RCCD1: variants seen among roughly 807,000 people sequenced by gnomAD.
The protein encoded by RCCD1 is RCC1 domain-containing protein 1.
RCCD1 carries 40 observed loss-of-function variants against 37.6 expected under a neutral mutation model. The observed-to-expected ratio is 1.06, with a 90% CI of 0.83 to 1.39. The LOEUF is 1.39. Ranked by LOEUF, RCCD1 falls within the 40% of genes most tolerant of loss-of-function variation. The probability of loss-of-function intolerance (pLI) is 0.00; values close to 1 mark genes in which losing one functional copy is unlikely to be tolerated. For missense variants in RCCD1, 577 were observed against 517.3 expected, an observed-to-expected ratio of 1.12 and a Z score of -1.12; for synonymous variants, 263 against 230.0, an observed-to-expected ratio of 1.14 and a Z score of -1.30.
intron 1 of RCCD1, among the ~76,000 whole-genome samples, 160 bp from the exon 2 acceptor site, chr15:90,956,452 C>T (rs1454229743): frequency 6.6e-6 from 1 of 152,236 alleles, no homozygotes; most frequent in Non-Finnish European, 1.5e-5. Flanking sequence ...TTGTGGCACG[C>T]TGAGCTTGAG....
chr15:90,955,051 C>T (rs4381579), intron 1 of RCCD1, 103 bp downstream of exon 1: 84,154 of 151,954 alleles, frequency 0.55, 25,460 homozygotes, highest in East Asian at 0.99. Flanking sequence ...AGCTCCAGCC[C>T]CACGGGTTCC....
chr15:90,954,941 G>C lies in RCCD1; in HGVS notation c.-131G>C, dbSNP rs1349206505. 1.3e-5 allele frequency: 2 copies of C among 152,480 alleles called. No individual in the cohort carries two copies. Among genetic ancestry groups the C allele is most frequent in the Non-Finnish European group, 2.9e-5 (2 of 68,226 alleles). 9.4% of individuals were successfully genotyped at this position (152,480 alleles called of 1,614,324 possible). On this transcript the variant is annotated 5_prime_UTR_variant, in exon 1 of 8. Coordinates refer to ENST00000394258, the MANE Select transcript of RCCD1 (RefSeq NM_001017919.2). Reference sequence around the variant, plus strand: ...CGGGTTTTGAGCTGCCGCGGTCCCGGGACTGAGGTGGGTGGCGGGGTCCGC... The same window carrying C: ...CGGGTTTTGAGCTGCCGCGGTCCCGCGACTGAGGTGGGTGGCGGGGTCCGC...
rs1242451880 is a variant in RCCD1 at position 90,956,841 on chromosome 15, G to A, written c.107G>A (p.Arg36Gln). The change falls in exon 2 of 8, where the codon CGG (arginine) becomes CAG (glutamine). Residue 36 changes from arginine to glutamine, a missense_variant. By Grantham distance (43) the Arg-to-Gln change is conservative. Coordinates refer to ENST00000394258, the MANE Select transcript of RCCD1 (RefSeq NM_001017919.2). ...CAGGTGCACAGCCCCAGTCCGCTGC[G>A]GGCGGGCGTCGACATCTGCCGCGTG... ...GRQVHSPSPL[R>Q]AGVDICRVSA... 3.1e-6 allele frequency: 4 copies of A among 1,295,238 alleles called. No individual in the cohort carries two copies. The African/African-American group carries it at 6.1e-5, about 20-fold the overall frequency. The allele number at this position is 1,295,238 out of a possible 1,614,324, so 80.2% of individuals were successfully genotyped here.
chr15:90,960,630 C>G lies in RCCD1; in HGVS notation c.949+132C>G, dbSNP rs988703050. 2.0e-5 allele frequency: 16 copies of G among 814,228 alleles called. No individual in the cohort carries two copies. In the African/African-American group the frequency reaches 2.4e-4, roughly 12 times the overall value. The allele number at this position is 814,228 out of a possible 1,614,324, so 50.4% of individuals were successfully genotyped here. ...GCAGCTACCTTGCTCAGTGGATAAGCCCCAACCCCCTTGTTGTTTCACAGT... is the reference window on the plus strand; with the variant it reads ...GCAGCTACCTTGCTCAGTGGATAAGGCCCAACCCCCTTGTTGTTTCACAGT... On this transcript the variant is annotated intron_variant, in intron 6 of 7. Coordinates refer to ENST00000394258, the MANE Select transcript of RCCD1 (RefSeq NM_001017919.2).
Position 90,957,629 on chromosome 15 carries a change from C to G in RCCD1, c.583C>G (p.Leu195Val). The G allele has an allele frequency of 6.2e-7, 1 of 1,614,150 alleles. No homozygotes were observed. Among genetic ancestry groups the G allele is most frequent in the Non-Finnish European group, 8.5e-7 (1 of 1,180,026 alleles). The change falls in exon 4 of 8, where the codon CTG (leucine) becomes GTG (valine). Residue 195 changes from leucine (L) to valine (V), a missense_variant. Transcript: ENST00000394258. ...GCATGGACAGCTGGGCCATGGGACC[C>G]TGGAGGCAGAGCTGGAGCCACGGCT... Reference protein sequence around the residue: ...GRHGQLGHGTLEAELEPRLLE... With the variant: ...GRHGQLGHGTVEAELEPRLLE...
rs376781142 is a variant in RCCD1, at chr15:90,957,732, G to A, written c.679+7G>A. ...CATTCTGTGTGTGTGAGTGGTGAGT[G>A]ACTTAGTGCTTCTCCAGACGAGCTC... On this transcript the variant is annotated splice_region_variant and intron_variant, in intron 4 of 7. Coordinates refer to ENST00000394258, the MANE Select transcript of RCCD1 (RefSeq NM_001017919.2). 83 of 1,595,124 alleles carry A rather than the reference G, an allele frequency of 5.2e-5. No individual in the cohort carries two copies. Among genetic ancestry groups the A allele is most frequent in the Non-Finnish European group, 6.8e-5 (79 of 1,169,394 alleles).
intron 7 of RCCD1, 165 bp downstream of exon 7, chr15:90,961,219 G>A (rs891882698): frequency 7.5e-6 from 5 of 663,266 alleles, no homozygotes; most frequent in East Asian, 2.7e-5. Flanking sequence ...AGACATAGGC[G>A]CGCTCAGTCC....
At chr15:90,961,567 CA>C in intron 7 of RCCD1, 50 bp from the exon 8 acceptor site, 3 of 1,564,852 alleles carry the variant, frequency 1.9e-6, no homozygotes, top group Non-Finnish European at 2.6e-6. Flanking sequence ...GGAGGGAAAG[CA>C]GCAGCAAGAC....
chr15:90,960,528 A>G, intron 6 of RCCD1, 30 bp downstream of exon 6: 3 of 1,585,162 alleles, frequency 1.9e-6, no homozygotes, highest in Non-Finnish European at 2.6e-6. Flanking sequence ...ACTCTGCTCC[A>G]CTCGAGCTGG....
At chr15:90,960,930 G>A (rs2037302181) in intron 6 of RCCD1, 95 bp from the exon 7 acceptor site, 4 of 1,141,022 alleles carry the variant, frequency 3.5e-6, no homozygotes, top group African/African-American at 1.5e-5. Flanking sequence ...CATGAGGATT[G>A]TAATATGCTA....
chr15:90,959,374 G>C (rs1253780177), intron 4 of RCCD1, among the ~76,000 whole-genome samples: 4 of 152,246 alleles, frequency 2.6e-5, no homozygotes, highest in African/African-American at 9.6e-5. Flanking sequence ...AGGCCAGGAA[G>C]GGGAGAGCTG....
Position 90,957,483 on chromosome 15 carries a change from G to A in RCCD1, c.537G>A (p.Val179=). ...HALLLDAAGQ[V]FSWGGGRHGQ... is the part of the protein sequence containing the mutation. ...TGCTGCTGGACGCTGCTGGCCAGGT[G>A]TTCTCCTGGGGCGGGGGCAGGTGAG... Residue 179 remains valine, a synonymous_variant, in exon 3 of 8, where the codon GTG becomes GTA. Transcript: ENST00000394258. 1 of 1,552,894 alleles carries A rather than the reference G, an allele frequency of 6.4e-7. No homozygotes were observed. Among genetic ancestry groups the A allele is most frequent in the South Asian group, 1.2e-5 (1 of 86,188 alleles).
At chr15:90,955,395 A>G (rs1476570128) in intron 1 of RCCD1, 1 of 152,236 alleles carries the variant, frequency 6.6e-6, no homozygotes, top group Non-Finnish European at 1.5e-5. Flanking sequence ...GTTTCCTCCA[A>G]GGCTGCCCAC....
rs995706438 is a variant in RCCD1, at chr15:90,957,268, G to T, written c.322G>T (p.Glu108Ter). 10 of 1,502,786 alleles carry T rather than the reference G, an allele frequency of 6.7e-6. No individual in the cohort carries two copies. The highest frequency in any genetic ancestry group is 1.8e-4 in the Middle Eastern group (1 of 5,658). 93.1% of individuals were successfully genotyped at this position (1,502,786 alleles called of 1,614,324 possible). A position where few individuals can be genotyped will look rare whatever the true frequency, so the allele number is the denominator to read the frequency against. Residue 108 changes from glutamate to a stop codon, truncating the protein, a stop_gained, in exon 3 of 8, where the codon GAG becomes TAG. Transcript: ENST00000394258. LOFTEE classifies it high-confidence loss of function. The part of the protein sequence containing the change: ...VWAAESALRG[E>*]PLWAQNVVPE... ...GGCGGCCGAATCGGCGCTGCGTGGG[G>T]AGCCATTGTGGGCCCAGAATGTGGT...
At chr15:90,961,465 A>G (rs1478539188) in intron 7 of RCCD1, 153 bp from the exon 8 acceptor site, 3 of 829,432 alleles carry the variant, frequency 3.6e-6, no homozygotes, top group Non-Finnish European at 1.8e-6. Flanking sequence ...CCTCTTGGGG[A>G]TCCCCAAGGT....
chr15:90,955,089 C>T (rs1289895702), intron 1 of RCCD1, 141 bp downstream of exon 1: 2 of 152,272 alleles, frequency 1.3e-5, no homozygotes, highest in South Asian at 2.1e-4. Flanking sequence ...CTGGCCCAAC[C>T]TCTGCCTTGG....
chr15:90,955,437 T>C (rs938301928), intron 1 of RCCD1: 3 of 152,130 alleles, frequency 2.0e-5, no homozygotes, highest in Admixed American at 6.5e-5. Context: ...GTAGAGGGCA[T>C]AGGGTCAAGA....
rs2037262636 is a variant in RCCD1 at position 90,959,051 on chromosome 15, C to T, written c.680-849C>T. ...TCAAGGTCCAGAAGGAGTTTGAGGC[C>T]TTAAGTTTAGTGTAGAGGCTGAAGC... On this transcript the variant is annotated intron_variant, in intron 4 of 7. Transcript: ENST00000394258. 3.9e-5 allele frequency among the ~76,000 whole-genome samples: 6 copies of T among 152,166 alleles called. No individual in the cohort carries two copies. In the South Asian group the frequency reaches 1.2e-3, roughly 32 times the overall value.
In RCCD1 at chr15:90,961,163, C is replaced by A. The variant is rs2037307429; in HGVS notation, c.979+109C>A. On this transcript the variant is annotated intron_variant, in intron 7 of 7. Transcript: ENST00000394258. ...GACTGGAGGAAGCAGGGGCCTCGGCCAGGTCACTGGGAGGAACAGGACTGC... is the reference window on the plus strand; with the variant it reads ...GACTGGAGGAAGCAGGGGCCTCGGCAAGGTCACTGGGAGGAACAGGACTGC... The A allele has an allele frequency of 4.5e-6, 5 of 1,100,962 alleles. No individual in the cohort carries two copies. The Admixed American group carries it at 9.9e-5, about 22-fold the overall frequency. 68.2% of individuals were successfully genotyped at this position (1,100,962 alleles called of 1,614,324 possible). A position where few individuals can be genotyped will look rare whatever the true frequency, so the allele number is the denominator to read the frequency against.
Sources: gnomAD v4.1 joint callset for allele counts (sites outside exome capture counted in the v4.1 genomes callset) on GRCh38, gnomAD v4.1.1 for gene constraint, MANE v1.5 for transcripts, NCBI Gene and HGNC (gene_info 2026-07-23, HGNC 2026-07-21) for gene names.